The following UVRAG variants were observed in gnomAD, a reference collection of about 807,000 sequenced individuals.
The protein encoded by UVRAG is UV radiation resistance associated.
Under a neutral mutation model 78.0 loss-of-function variants are expected in UVRAG, and 19 were observed. The ratio of observed to expected loss-of-function variants is 0.24; its 90% CI spans 0.17 to 0.36. The LOEUF is 0.36. Among genes scored for constraint, UVRAG ranks in the 10% least tolerant of loss-of-function variants. The pLI, the probability that UVRAG is intolerant of heterozygous loss-of-function variation, is 1.00. For missense variants in UVRAG, 740 were observed against 853.8 expected, an observed-to-expected ratio of 0.87 and a Z score of 1.66; for synonymous variants, 323 against 324.6, an observed-to-expected ratio of 1.00 and a Z score of 0.05.
chr11:75,997,732 A>G (rs2135316413), intron 8 of UVRAG, among the ~76,000 whole-genome samples: 1 of 152,364 alleles, frequency 6.6e-6, no homozygotes, highest in Admixed American at 6.5e-5. Flanking sequence ...TGCAGCCTAG[A>G]ACACAAATAG....
At chr11:75,850,064 T>C (rs751506434) in intron 1 of UVRAG, among the ~76,000 whole-genome samples, 2 of 132,078 alleles carry the variant, frequency 1.5e-5, no homozygotes, top group Non-Finnish European at 2.9e-5. Flanking sequence ...GCAATCAGTC[T>C]GATTGGTTGC....
At chr11:76,095,608 C>G (rs1426770133) in intron 13 of UVRAG, among the ~76,000 whole-genome samples, 2 of 150,688 alleles carry the variant, frequency 1.3e-5, no homozygotes, top group Admixed American at 6.6e-5. Flanking sequence ...TATCTCTTGC[C>G]TGTAATCCCA....
intron 6 of UVRAG, among the ~76,000 whole-genome samples, chr11:75,932,115 G>A (rs947599200): frequency 6.6e-6 from 1 of 151,886 alleles, no homozygotes; most frequent in Middle Eastern, 3.2e-3. Context: ...ATTTAGTATG[G>A]TGCTTGAAAA....
chr11:76,065,562 GT>G, intron 12 of UVRAG, 147 bp from the exon 13 acceptor site: 1 of 607,496 alleles, frequency 1.6e-6, no homozygotes, highest in South Asian at 2.3e-5. Flanking sequence ...TTATGAAGAT[GT>G]CAGTAGATTG....
intron 13 of UVRAG, among the ~76,000 whole-genome samples, chr11:76,074,186 C>T (rs1388787305): frequency 1.3e-5 from 2 of 152,066 alleles, no homozygotes; most frequent in East Asian, 3.8e-4. Context: ...TAAATGAAAG[C>T]CCTTTGGGGT....
chr11:75,973,889 C>A (rs900470452), intron 7 of UVRAG, among the ~76,000 whole-genome samples: 4 of 152,226 alleles, frequency 2.6e-5, no homozygotes, highest in African/African-American at 9.7e-5. Flanking sequence ...ATGAACTCAT[C>A]CTTTTTTATG....
chr11:75,946,112 G>A (rs544502809), intron 6 of UVRAG, among the ~76,000 whole-genome samples: 4 of 152,146 alleles, frequency 2.6e-5, no homozygotes, highest in African/African-American at 9.6e-5. Context: ...GAACATTTAG[G>A]CCTTCAATAA....
At chr11:76,025,100 G>T (rs1950305397) in intron 12 of UVRAG, among the ~76,000 whole-genome samples, 1 of 152,136 alleles carries the variant, frequency 6.6e-6, no homozygotes, top group Non-Finnish European at 1.5e-5. Context: ...CACAGGCCTG[G>T]ACTGATGCCT....
chr11:75,917,534 C>T (rs989819407), intron 6 of UVRAG, among the ~76,000 whole-genome samples: 25 of 152,202 alleles, frequency 1.6e-4, no homozygotes, highest in Non-Finnish European at 3.1e-4. Flanking sequence ...AACACATCTA[C>T]ATGTTAATAC....
At chr11:75,920,007 G>GT (rs1947940041) in intron 6 of UVRAG, among the ~76,000 whole-genome samples, 2 of 72,730 alleles carry the variant, frequency 2.7e-5, no homozygotes, top group Non-Finnish European at 5.7e-5. Context: ...AAATAATTTT[G>GT]GTTTTTTTTT....
chr11:76,065,804 T>G lies in UVRAG; in HGVS notation c.1305+16T>G. ...TATAGCACAGGTAAGTCTCTGTTCT[T>G]CACTTCTCTCCTACTTCCCATGCAC... is the stretch of plus-strand genomic sequence containing the variant. On this transcript the variant is annotated intron_variant, in intron 13 of 14. Transcript: ENST00000356136. The G allele has an allele frequency of 6.2e-7, 1 of 1,610,676 alleles. No individual in the cohort carries two copies. Among genetic ancestry groups the G allele is most frequent in the Non-Finnish European group, 8.5e-7 (1 of 1,177,410 alleles).
chr11:76,079,372 C>T (rs572093745), intron 13 of UVRAG, among the ~76,000 whole-genome samples: 2 of 151,968 alleles, frequency 1.3e-5, no homozygotes, highest in South Asian at 4.2e-4. Context: ...GTAGTCCCAA[C>T]TACTCAGGAG....
intron 14 of UVRAG, among the ~76,000 whole-genome samples, chr11:76,119,721 A>T (rs1033223435): frequency 3.9e-5 from 6 of 152,114 alleles, no homozygotes; most frequent in Non-Finnish European, 1.5e-5. Flanking sequence ...CATCTCTGCT[A>T]TTGCCACTCC....
At chr11:75,882,255 A>T (rs1438242493) in intron 4 of UVRAG, among the ~76,000 whole-genome samples, 2 of 152,120 alleles carry the variant, frequency 1.3e-5, no homozygotes, top group African/African-American at 4.8e-5. Flanking sequence ...TCATGCCTGT[A>T]ACCTTGGGAG....
chr11:75,903,388 CCTTA>C (rs1166103432), intron 5 of UVRAG, among the ~76,000 whole-genome samples: 2 of 152,126 alleles, frequency 1.3e-5, no homozygotes, highest in Non-Finnish European at 2.9e-5. Flanking sequence ...TTCTGGCCCT[CCTTA>C]CTTACTTATT....
At chr11:75,987,518 T>A (rs967172258) in intron 8 of UVRAG, among the ~76,000 whole-genome samples, 2 of 152,172 alleles carry the variant, frequency 1.3e-5, no homozygotes, top group Admixed American at 1.3e-4. Context: ...CCTTTAAAAC[T>A]TTTTTCTTAC....
rs113846062 is a variant in UVRAG at position 76,084,153 on chromosome 11, C to T, written c.1305+18365C>T. Among the ~76,000 whole-genome samples the T allele has an allele frequency of 5.3e-3, 813 of 152,316 alleles. 10 individuals carry two copies. The highest frequency in any genetic ancestry group is 0.019 in the African/African-American group (774 of 41,572). Reference sequence around the variant, plus strand: ...TATAGTAATTCCACTCAGACATCATCATCAAGCCCCAGTGGAGGCTACTAA... The same window carrying T: ...TATAGTAATTCCACTCAGACATCATTATCAAGCCCCAGTGGAGGCTACTAA... On this transcript the variant is annotated intron_variant, in intron 13 of 14. Coordinates refer to ENST00000356136, the MANE Select transcript of UVRAG (RefSeq NM_003369.4).
rs149137951 is a variant in UVRAG, at chr11:76,080,334, T to C, written c.1305+14546T>C. On this transcript the variant is annotated intron_variant, in intron 13 of 14. Coordinates refer to ENST00000356136, the MANE Select transcript of UVRAG (RefSeq NM_003369.4). Reference sequence around the variant, plus strand: ...TGAAGGCACACTGTGGTTACAGATATTAAAATAATTTTAAAGGCACCAAAC... The same window carrying C: ...TGAAGGCACACTGTGGTTACAGATACTAAAATAATTTTAAAGGCACCAAAC... Among the ~76,000 whole-genome samples, 11 of 152,284 alleles carry C rather than the reference T, an allele frequency of 7.2e-5. No individual in the cohort carries two copies. The East Asian group carries it at 1.7e-3, about 24-fold the overall frequency.
chr11:75,933,307 G>A (rs1195045431), intron 6 of UVRAG, among the ~76,000 whole-genome samples: 1 of 147,634 alleles, frequency 6.8e-6, no homozygotes, highest in African/African-American at 2.7e-5. Context: ...ATATCCAAAT[G>A]CAGAAGAAGG....
Sources: allele counts gnomAD v4.1 joint callset (sites outside exome capture counted in the v4.1 genomes callset), GRCh38; gene constraint gnomAD v4.1.1; transcripts MANE v1.5; gene names NCBI Gene and HGNC (gene_info 2026-07-23, HGNC 2026-07-21).